Variants in DCAF8L2 observed in about 807,000 individuals in gnomAD.
DCAF8L2 encodes the protein DDB1 and CUL4 associated factor 8 like 2, also known as DDB1- and CUL4-associated factor 8-like protein 2.
For synonymous variants in DCAF8L2, 200 were observed against 190.9 expected (o/e 1.05, Z -0.39); for missense variants, 430 against 490.7 (o/e 0.88, Z 1.17).
the DCAF8L2 span, among the ~76,000 whole-genome samples, chrX:27,534,486 G>A: frequency 8.9e-6 from 1 of 111,952 alleles, no homozygotes; most frequent in Admixed American, 9.5e-5. Flanking sequence ...AGGTAAAGGT[G>A]GTTTGGGTAA....
the DCAF8L2 span, among the ~76,000 whole-genome samples, chrX:27,501,119 A>C: frequency 4.5e-5 from 5 of 111,209 alleles, no homozygotes; most frequent in Admixed American, 4.8e-4. Flanking sequence ...CTTGCTCTAT[A>C]GAAGCTATGT....
chrX:27,672,295 G>T lies in DCAF8L2; in HGVS notation c.-219-5541G>T, dbSNP rs138987536. Among the ~76,000 whole-genome samples the T allele has an allele frequency of 1.3e-3, 149 of 111,697 alleles. No individual in the cohort carries two copies. The East Asian group carries it at 0.023, about 17-fold the overall frequency. ...AGGTAATGCCAAGCACAGGGCCCGG[G>T]CCATTTGGGTAATCGTTTTTAAACA... On this transcript the variant is annotated intron_variant, in intron 2 of 4. Coordinates refer to ENST00000451261, the MANE Select transcript of DCAF8L2 (RefSeq NM_001353450.2).
intron 3 of DCAF8L2, among the ~76,000 whole-genome samples, chrX:27,688,791 A>C (rs182334704): frequency 5.4e-5 from 6 of 112,043 alleles, no homozygotes; most frequent in Non-Finnish European, 9.4e-5. Context: ...ATTGTGACTA[A>C]ATTATTAATA....
intron 1 of DCAF8L2, among the ~76,000 whole-genome samples, chrX:27,612,361 G>A (rs1927228132): frequency 8.9e-6 from 1 of 111,846 alleles, no homozygotes; most frequent in Non-Finnish European, 1.9e-5. Flanking sequence ...TGTCAGATGG[G>A]TAGATTGCAA....
At chrX:27,513,075 A>C in the DCAF8L2 span, among the ~76,000 whole-genome samples, 1 of 111,639 alleles carries the variant, frequency 9.0e-6, no homozygotes, top group Non-Finnish European at 1.9e-5. Flanking sequence ...CCTATCTCTC[A>C]CCATACACAA....
chrX:27,724,774 T>C (rs907191153), intron 4 of DCAF8L2, among the ~76,000 whole-genome samples: 2 of 111,247 alleles, frequency 1.8e-5, no homozygotes, highest in African/African-American at 6.5e-5. Flanking sequence ...GATAGATTGT[T>C]GCCAGGTTTT....
chrX:27,490,679 C>G, the DCAF8L2 span, among the ~76,000 whole-genome samples: 1 of 110,730 alleles, frequency 9.0e-6, no homozygotes, highest in African/African-American at 3.3e-5. Context: ...CCAGTCTGGT[C>G]TCGAAATCCT....
chrX:27,645,052 G>A (rs1035523964), intron 2 of DCAF8L2, among the ~76,000 whole-genome samples: 2 of 111,371 alleles, frequency 1.8e-5, no homozygotes, highest in African/African-American at 6.5e-5. Context: ...TACCGCACCC[G>A]CCCCCTAACT....
chrX:27,654,642 G>A (rs956574363), intron 2 of DCAF8L2, among the ~76,000 whole-genome samples: 2 of 111,108 alleles, frequency 1.8e-5, no homozygotes, highest in Non-Finnish European at 3.8e-5. Flanking sequence ...TCACTTGCAG[G>A]GCACAATAAT....
At chrX:27,690,674 C>G (rs997999505) in intron 3 of DCAF8L2, among the ~76,000 whole-genome samples, 1 of 110,729 alleles carries the variant, frequency 9.0e-6, no homozygotes, top group African/African-American at 3.3e-5. Context: ...TAATGGCTTA[C>G]AAATCCTCTA....
chrX:27,638,309 G>A (rs889140501), intron 2 of DCAF8L2, among the ~76,000 whole-genome samples: 3 of 111,691 alleles, frequency 2.7e-5, no homozygotes, highest in Admixed American at 9.5e-5. Flanking sequence ...CACAGCAGAA[G>A]ATCTGAGAGC....
intron 1 of DCAF8L2, among the ~76,000 whole-genome samples, chrX:27,592,802 CTT>C (rs748583196): frequency 1.5e-4 from 14 of 91,260 alleles, no homozygotes; most frequent in African/African-American, 1.2e-4. Context: ...CCATCTCAAC[CTT>C]TTTTTTTTTT....
intron 1 of DCAF8L2, among the ~76,000 whole-genome samples, chrX:27,609,901 T>A (rs981342248): frequency 2.7e-5 from 3 of 111,678 alleles, no homozygotes; most frequent in Non-Finnish European, 3.8e-5. Flanking sequence ...ATCAACATAA[T>A]GCTTTATTTT....
Position 27,747,098 on chromosome X carries a change from C to T in DCAF8L2, c.203C>T (p.Thr68Ile). 8.6e-7 allele frequency: 1 copy of T among 1,167,928 alleles called. No individual in the cohort carries two copies. Among genetic ancestry groups the T allele is most frequent in the Non-Finnish European group, 1.1e-6 (1 of 873,046 alleles). ...GGTGGATTCCCCAACGATGCCAGCA[C>T]AGAAAATCGAAGCTCAGACCAAGAA... ...RDGGFPNDAS[T>I]ENRSSDQESA... The change falls in exon 5 of 5, where the codon ACA becomes ATA. Residue 68 changes from threonine to isoleucine, a missense_variant. Coordinates refer to ENST00000451261, the MANE Select transcript of DCAF8L2 (RefSeq NM_001353450.2).
chrX:27,646,269 A>G (rs1388403766), intron 2 of DCAF8L2, among the ~76,000 whole-genome samples: 1 of 111,520 alleles, frequency 9.0e-6, no homozygotes, highest in Non-Finnish European at 1.9e-5. Context: ...ACACACTTAC[A>G]ACTATCTGAT....
At chrX:27,616,778 G>A (rs2147147611) in intron 1 of DCAF8L2, among the ~76,000 whole-genome samples, 1 of 111,053 alleles carries the variant, frequency 9.0e-6, no homozygotes, top group Admixed American at 9.7e-5. Context: ...ATTGTCCTAG[G>A]GAAAACGGAT....
intron 3 of DCAF8L2, among the ~76,000 whole-genome samples, chrX:27,699,931 A>T (rs1190744688): frequency 2.7e-5 from 3 of 110,998 alleles, no homozygotes; most frequent in Non-Finnish European, 5.7e-5. Flanking sequence ...GCTACTTGGG[A>T]GGCTGAGGGA....
intron 2 of DCAF8L2, among the ~76,000 whole-genome samples, chrX:27,635,609 C>G (rs987590559): frequency 8.1e-5 from 9 of 111,563 alleles, no homozygotes; most frequent in Non-Finnish European, 1.9e-5. Context: ...TTCTTCCGGC[C>G]AATTCAACAT....
At chrX:27,705,114 G>A (rs1931299010) in intron 3 of DCAF8L2, among the ~76,000 whole-genome samples, 2 of 110,761 alleles carry the variant, frequency 1.8e-5, no homozygotes, top group East Asian at 2.8e-4. Flanking sequence ...CTCCCTCCAC[G>A]TTCCTGCAAA....
Sources: gnomAD v4.1 joint callset for allele counts (sites outside exome capture counted in the v4.1 genomes callset) on GRCh38, gnomAD v4.1.1 for gene constraint, MANE v1.5 for transcripts, NCBI Gene and HGNC (gene_info 2026-07-23, HGNC 2026-07-21) for gene names.